The following ZNF83 variants were observed in gnomAD, a reference collection of about 807,000 sequenced individuals.
The protein encoded by ZNF83 is zinc finger protein 83, also known as zinc finger protein 816B.
For missense variants in ZNF83, 552 were observed against 629.9 expected (o/e 0.88, Z 1.32); for synonymous variants, 209 against 213.0 (o/e 0.98, Z 0.17).
At chr19:52,617,649 T>G (rs1325218971) in intron 2 of ZNF83, 1 of 149,846 alleles carries the variant, frequency 6.7e-6, no homozygotes, top group African/African-American at 2.5e-5. Flanking sequence ...GAGAATTGCT[T>G]GAACCCCAGA....
rs187541479 is a variant in ZNF83 at position 52,646,881 on chromosome 19, A to G, written c.-74+8680T>C. ...AAGGTCACAGCTAAGCAAGGCCACA[A>G]GTTATACCAAGGCAGCAGTTATGGT... On this transcript the variant is annotated intron_variant, in intron 3 of 5. Transcript: ENST00000594682. Among the ~76,000 whole-genome samples, 5 of 152,318 alleles carry G rather than the reference A, an allele frequency of 3.3e-5. No individual in the cohort carries two copies. The East Asian group carries it at 7.7e-4, about 23-fold the overall frequency.
Position 52,623,297 on chromosome 19 carries a change from G to A in ZNF83, c.-233-8500C>T, listed in dbSNP as rs866568719. On this transcript the variant is annotated intron_variant, in intron 2 of 2. Coordinates refer to ENST00000301096, the Ensembl canonical transcript of ZNF83. Reference sequence around the variant, plus strand: ...CTTTGGGTAACTCTTACAGTGGGGCGTAAGTCCATCCCCTGTTTAATTGAT... The same window carrying A: ...CTTTGGGTAACTCTTACAGTGGGGCATAAGTCCATCCCCTGTTTAATTGAT... Among the ~76,000 whole-genome samples, 20 of 149,118 alleles carry A rather than the reference G, an allele frequency of 1.3e-4. 1 individual carries two copies. The highest frequency in any genetic ancestry group is 1.0e-3 in the South Asian group (5 of 4,830).
chr19:52,620,707 G>A (rs2060510865), intron 2 of ZNF83, among the ~76,000 whole-genome samples: 2 of 152,324 alleles, frequency 1.3e-5, no homozygotes, highest in African/African-American at 4.8e-5. Flanking sequence ...GCCCAAGTCT[G>A]CACGTATACA....
At chr19:52,681,700 T>TG (rs2061924094) in intron 1 of ZNF83, among the ~76,000 whole-genome samples, 1 of 152,080 alleles carries the variant, frequency 6.6e-6, no homozygotes, top group African/African-American at 2.4e-5. Context: ...TATAACCACC[T>TG]AAGTAAAAGA....
Position 52,662,604 on chromosome 19 carries a change from T to C in ZNF83, c.-282-1761A>G, listed in dbSNP as rs921449596. ...AGAACAGTAACTTATTTAAAATTCA[T>C]ATTACACCTGAGCATTACCATCTCG... is the stretch of plus-strand genomic sequence containing the variant. On this transcript the variant is annotated intron_variant, in intron 1 of 5. Transcript: ENST00000594682. Among the ~76,000 whole-genome samples, 51 of 152,170 alleles carry C rather than the reference T, an allele frequency of 3.4e-4. 1 individual carries two copies. The highest frequency in any genetic ancestry group is 6.3e-4 in the Non-Finnish European group (43 of 68,034).
chr19:52,613,878 T>C lies in ZNF83; in HGVS notation c.687A>G (p.Gly229=), dbSNP rs995819072. The change falls in exon 3 of 3, where the codon GGA becomes GGG. Residue 229 remains glycine, a synonymous_variant. Coordinates refer to ENST00000301096, the Ensembl canonical transcript of ZNF83. ...ATTTGTTACATTCGTAAGGTTTTTCTCCAGTATGAATTGTCCGATGTTGTG... is the reference window on the plus strand; with the variant it reads ...ATTTGTTACATTCGTAAGGTTTTTCCCCAGTATGAATTGTCCGATGTTGTG... 3.7e-6 allele frequency: 6 copies of C among 1,614,202 alleles called. No homozygotes were observed. The East Asian group carries it at 1.3e-4, about 36-fold the overall frequency.
chr19:52,657,365 T>G (rs989876250), intron 2 of ZNF83, among the ~76,000 whole-genome samples: 1 of 151,948 alleles, frequency 6.6e-6, no homozygotes, highest in Non-Finnish European at 1.5e-5. Context: ...TATCAGGAAT[T>G]TGGGAGGCTG....
At chr19:52,683,872 T>C (rs1252849624) in intron 1 of ZNF83, among the ~76,000 whole-genome samples, 1 of 152,156 alleles carries the variant, frequency 6.6e-6, no homozygotes, top group Non-Finnish European at 1.5e-5. Flanking sequence ...GCTGTTGTCC[T>C]GTGGCCAAGA....
chr19:52,624,572 C>T (rs1358809706), intron 2 of ZNF83, among the ~76,000 whole-genome samples: 1 of 152,196 alleles, frequency 6.6e-6, no homozygotes, highest in Non-Finnish European at 1.5e-5. Flanking sequence ...TCCTTGAAGA[C>T]AGCTCTGGAG....
At chr19:52,635,302 A>T in intron 1 of ZNF83, 149 bp from the exon 2 acceptor site, 1 of 437,990 alleles carries the variant, frequency 2.3e-6, no homozygotes, top group Non-Finnish European at 4.0e-6. Flanking sequence ...CCTACAGGAA[A>T]ACTCCCGCAC....
intron 3 of ZNF83, among the ~76,000 whole-genome samples, chr19:52,653,481 G>T (rs1345640532): frequency 1.3e-5 from 2 of 152,180 alleles, no homozygotes; most frequent in East Asian, 3.9e-4. Context: ...CCTTACATTT[G>T]TATGGTTTCT....
intron 1 of ZNF83, among the ~76,000 whole-genome samples, chr19:52,671,640 A>T (rs560880370): frequency 1.3e-5 from 2 of 152,204 alleles, no homozygotes; most frequent in South Asian, 2.1e-4. Flanking sequence ...GGGTGGTCCC[A>T]CTATGATGCT....
chr19:52,631,136 G>C (rs200391799), intron 2 of ZNF83, among the ~76,000 whole-genome samples: 15,594 of 130,180 alleles, frequency 0.12, 1,038 homozygotes, highest in Middle Eastern at 0.17. Flanking sequence ...CTGTACTGCC[G>C]CAAGGCTTCA....
chr19:52,639,693 T>C (rs1600215507), upstream of ZNF83, among the ~76,000 whole-genome samples: 3 of 152,060 alleles, frequency 2.0e-5, no homozygotes, highest in Admixed American at 6.6e-5. Context: ...GCTGGGATTA[T>C]AGTCATAAGC....
Position 52,659,876 on chromosome 19 carries a change from G to C in ZNF83, c.-201+886C>G, listed in dbSNP as rs142070490. Among the ~76,000 whole-genome samples the C allele has an allele frequency of 7.8e-3, 1,184 of 152,262 alleles. 21 individuals carry two copies. Among genetic ancestry groups the C allele is most frequent in the African/African-American group, 0.028 (1,146 of 41,540 alleles). On this transcript the variant is annotated intron_variant, in intron 2 of 5. Transcript: ENST00000594682. ...AAGAAGAGCTAACTCTCACCCAAGA[G>C]GGAGCTCCTGTAATATTATCAAGAT...
Position 52,632,549 on chromosome 19 carries a change from C to T in ZNF83, c.-234+2517G>A, listed in dbSNP as rs373172849. Among the ~76,000 whole-genome samples, 92 of 152,288 alleles carry T rather than the reference C, an allele frequency of 6.0e-4. No individual in the cohort carries two copies. The East Asian group carries it at 0.017, about 28-fold the overall frequency. On this transcript the variant is annotated intron_variant, in intron 2 of 2. Transcript: ENST00000301096. Reference sequence around the variant, plus strand: ...AACTACTCATAAATGCCCTGCTCTTCTTTACACTGCCAGTTTACACTGTTT... The same window carrying T: ...AACTACTCATAAATGCCCTGCTCTTTTTTACACTGCCAGTTTACACTGTTT...
intron 2 of ZNF83, among the ~76,000 whole-genome samples, chr19:52,615,811 A>G (rs1440313212): frequency 6.6e-6 from 1 of 152,204 alleles, no homozygotes; most frequent in East Asian, 1.9e-4. Flanking sequence ...GAAAAGGTCC[A>G]TCTAATGAAC....
At chr19:52,620,564 CAA>C (rs1264730087) in intron 2 of ZNF83, among the ~76,000 whole-genome samples, 3 of 152,056 alleles carry the variant, frequency 2.0e-5, no homozygotes, top group African/African-American at 4.8e-5. Flanking sequence ...ATGCAGGCAT[CAA>C]AGAGGAAGGT....
At chr19:52,669,269 G>A (rs771564202) in intron 1 of ZNF83, among the ~76,000 whole-genome samples, 10 of 152,224 alleles carry the variant, frequency 6.6e-5, no homozygotes, top group Admixed American at 1.3e-4. Flanking sequence ...TGACTCTCAC[G>A]TCTATTTAGA....
Sources: gnomAD v4.1 joint callset for allele counts (sites outside exome capture counted in the v4.1 genomes callset) on GRCh38, gnomAD v4.1.1 for gene constraint, MANE v1.5 for transcripts, NCBI Gene and HGNC (gene_info 2026-07-23, HGNC 2026-07-21) for gene names.